Variants in ADGRG2 observed in about 807,000 individuals in gnomAD.
ADGRG2 encodes the protein adhesion G protein-coupled receptor G2.
Under a neutral mutation model 74.1 loss-of-function variants are expected in ADGRG2, and 26 were observed. That is an observed-to-expected ratio of 0.35 (90% CI 0.26 to 0.49). ADGRG2 has a LOEUF of 0.49. ADGRG2 is among the 20% of genes least tolerant of loss of function. The probability of loss-of-function intolerance (pLI) is 0.99; values close to 1 mark genes in which losing one functional copy is unlikely to be tolerated. For missense variants in ADGRG2, 619 were observed against 763.1 expected (o/e 0.81, Z 2.22); for synonymous variants, 296 against 295.2 (o/e 1.00, Z -0.03).
chrX:19,048,517 G>A (rs781627130), intron 3 of ADGRG2, among the ~76,000 whole-genome samples: 2 of 111,856 alleles, frequency 1.8e-5, no homozygotes, highest in African/African-American at 3.3e-5. Context: ...ACTACACCAG[G>A]CCGCTTCTCA....
intron 3 of ADGRG2, among the ~76,000 whole-genome samples, chrX:19,068,006 T>A (rs1420753335): frequency 1.8e-5 from 2 of 112,373 alleles, no homozygotes; most frequent in Non-Finnish European, 3.8e-5. Flanking sequence ...ACACTGGAAT[T>A]CTTGTGCCTT....
At chrX:19,013,577 G>C in intron 16 of ADGRG2, 109 bp downstream of exon 16, 2 of 694,058 alleles carry the variant, frequency 2.9e-6, no homozygotes, top group Non-Finnish European at 4.2e-6. Context: ...TTAGAATCCC[G>C]AAAGGAAAGC....
intron 3 of ADGRG2, among the ~76,000 whole-genome samples, chrX:19,041,435 A>T: frequency 8.9e-6 from 1 of 112,182 alleles, no homozygotes. Context: ...CTTATACATT[A>T]AAAAAATTAA....
intron 1 of ADGRG2, among the ~76,000 whole-genome samples, chrX:19,088,180 C>A (rs1378315255): frequency 8.9e-6 from 1 of 112,520 alleles, no homozygotes; most frequent in East Asian, 2.8e-4. Context: ...AATTCTTTTA[C>A]AAAAACATTA....
chrX:19,092,173 T>G (rs2146997667), intron 1 of ADGRG2, among the ~76,000 whole-genome samples: 1 of 112,069 alleles, frequency 8.9e-6, no homozygotes, highest in East Asian at 2.8e-4. Flanking sequence ...TCCCAGCCCT[T>G]GCAGCATCCC....
At chrX:19,007,386 G>A in intron 19 of ADGRG2, 29 bp from the exon 20 acceptor site, 4 of 1,190,322 alleles carry the variant, frequency 3.4e-6, no homozygotes, top group African/African-American at 1.7e-5. Flanking sequence ...AAGGGTAAAT[G>A]AGATATTGTC....
Position 18,999,153 on chromosome X carries a change from C to T in ADGRG2, c.2457G>A (p.Lys819=), listed in dbSNP as rs758967207. 4 of 1,211,096 alleles carry T rather than the reference C, an allele frequency of 3.3e-6. No individual in the cohort carries two copies. Among genetic ancestry groups the T allele is most frequent in the Non-Finnish European group, 3.4e-6 (3 of 894,973 alleles). ...LVQLCRIKKK[K]QLGAQRKTSI... ...TGGTTTTTCGCTGGGCTCCCAGTTG[C>T]TTCTTCTTTTTAATTCGACAGAGCT... The change falls in exon 26 of 29, where the codon AAG becomes AAA. Residue 819 remains lysine (K), a synonymous_variant. Transcript: ENST00000379869.
intron 3 of ADGRG2, among the ~76,000 whole-genome samples, chrX:19,041,346 C>T (rs1488062848): frequency 9.0e-6 from 1 of 111,403 alleles, no homozygotes; most frequent in Non-Finnish European, 1.9e-5. Flanking sequence ...TGCAAAATGC[C>T]CTAGAGAAAA....
intron 1 of ADGRG2, among the ~76,000 whole-genome samples, chrX:19,097,880 G>A (rs2062123990): frequency 8.9e-6 from 1 of 112,933 alleles, no homozygotes; most frequent in Non-Finnish European, 1.9e-5. Context: ...GTACGTGCCA[G>A]TGCGGCATTC....
chrX:19,066,329 C>G (rs1013517300), intron 3 of ADGRG2, among the ~76,000 whole-genome samples: 2 of 110,405 alleles, frequency 1.8e-5, no homozygotes, highest in African/African-American at 6.6e-5. Flanking sequence ...TTATCTTATG[C>G]AATAAAGATT....
intron 9 of ADGRG2, among the ~76,000 whole-genome samples, chrX:19,030,576 G>A (rs1436577102): frequency 1.8e-5 from 2 of 112,058 alleles, no homozygotes; most frequent in African/African-American, 6.5e-5. Context: ...TTAGCAAGAC[G>A]TTATCCTGTT....
intron 2 of ADGRG2, among the ~76,000 whole-genome samples, chrX:19,072,761 G>C (rs140246613): frequency 1.8e-5 from 2 of 111,840 alleles, no homozygotes; most frequent in African/African-American, 3.2e-5. Flanking sequence ...TCTGGAATAC[G>C]TTTCCTCAAG....
intron 1 of ADGRG2, among the ~76,000 whole-genome samples, chrX:19,114,491 G>C (rs1351210208): frequency 9.0e-6 from 1 of 111,129 alleles, no homozygotes; most frequent in Non-Finnish European, 1.9e-5. Flanking sequence ...AGTGGGCAGC[G>C]GGCTTTCAGA....
intron 10 of ADGRG2, 89 bp downstream of exon 10, chrX:19,028,094 A>G (rs1226869473): frequency 3.6e-6 from 2 of 548,030 alleles, no homozygotes; most frequent in African/African-American, 4.7e-5. Context: ...TATACCAAAT[A>G]TCATAAATAA....
chrX:19,113,519 G>A (rs1369945400), intron 1 of ADGRG2, among the ~76,000 whole-genome samples: 2 of 112,066 alleles, frequency 1.8e-5, no homozygotes, highest in South Asian at 3.7e-4. Flanking sequence ...TGATAACAGC[G>A]CTGTGATTAT....
In ADGRG2 at chrX:18,998,984, T is replaced by C. The variant is rs747649881; in HGVS notation, c.2614+12A>G. 2.6e-6 allele frequency: 3 copies of C among 1,164,299 alleles called. No individual in the cohort carries two copies. Among genetic ancestry groups the C allele is most frequent in the Admixed American group, 4.6e-5 (2 of 43,411 alleles). On this transcript the variant is annotated intron_variant, in intron 26 of 28. Transcript: ENST00000379869. ...GGATCATTCAGTTTGTATTTGATGC[T>C]GTAAAGCTTACCTTGTAAGGTATTA...
intron 1 of ADGRG2, among the ~76,000 whole-genome samples, chrX:19,120,153 C>A (rs2062587750): frequency 9.0e-6 from 1 of 111,347 alleles, no homozygotes; most frequent in Admixed American, 9.6e-5. Context: ...CCGATCCGGG[C>A]TGGCATCACG....
At chrX:19,075,527 A>T (rs1386515119) in intron 2 of ADGRG2, among the ~76,000 whole-genome samples, 2 of 104,743 alleles carry the variant, frequency 1.9e-5, no homozygotes, top group Non-Finnish European at 3.9e-5. Context: ...CTGAGGCAGG[A>T]GAATCGCTTG....
chrX:19,055,891 G>A (rs907026410), intron 3 of ADGRG2, among the ~76,000 whole-genome samples: 2 of 109,975 alleles, frequency 1.8e-5, no homozygotes, highest in East Asian at 2.8e-4. Flanking sequence ...GTACCACCAC[G>A]CCTGGCTAAG....
Sources: allele counts gnomAD v4.1 joint callset (sites outside exome capture counted in the v4.1 genomes callset), GRCh38; gene constraint gnomAD v4.1.1; transcripts MANE v1.5; gene names NCBI Gene and HGNC (gene_info 2026-07-23, HGNC 2026-07-21).